Variants in ANKRD31 observed in about 807,000 individuals in gnomAD.
The protein encoded by ANKRD31 is ankyrin repeat domain 31, also known as ankyrin repeat domain-containing protein 31.
Under a neutral mutation model 186.0 loss-of-function variants are expected in ANKRD31, and 147 were observed. The observed-to-expected ratio is 0.79, with a 90% CI of 0.69 to 0.91. The LOEUF (loss-of-function observed/expected upper bound fraction) is 0.91. Ranked by LOEUF, ANKRD31 falls within the 40% of genes least tolerant of loss-of-function variation. The pLI, the probability that ANKRD31 is intolerant of heterozygous loss-of-function variation, is 0.00. For synonymous variants in ANKRD31, 673 were observed against 736.4 expected (o/e 0.91, Z 1.39); for missense variants, 1,986 against 2,148.8 (o/e 0.92, Z 1.50).
rs1017283477 is a variant in ANKRD31 at position 75,105,172 on chromosome 5, C to T, written c.4387G>A (p.Ala1463Thr). The change falls in exon 22 of 26, where the codon GCC (alanine) becomes ACC (threonine). Residue 1463 changes from alanine to threonine, a missense_variant. Transcript: ENST00000506364. ...CTCTTCTGTCTTGCAGCCAAGTTGG[C>T]CAATTGTTCTCTCAGGGCTCCATGC... ...FKHGALREQL[A>T]NLAARQKSLL... The T allele has an allele frequency of 6.5e-7, 1 of 1,534,974 alleles. No homozygotes were observed.
intron 7 of ANKRD31, among the ~76,000 whole-genome samples, chr5:75,193,954 T>C (rs565773318): frequency 1.3e-5 from 2 of 152,186 alleles, no homozygotes; most frequent in African/African-American, 2.4e-5. Context: ...GCTAGATCAA[T>C]GGACTATTCA....
At chr5:75,119,975 G>A (rs1466061496) in intron 17 of ANKRD31, among the ~76,000 whole-genome samples, 1 of 152,164 alleles carries the variant, frequency 6.6e-6, no homozygotes, top group Non-Finnish European at 1.5e-5. Flanking sequence ...TAAGGTCAAA[G>A]AGGATGTGAT....
At chr5:75,123,950 G>C (rs1488495281) in intron 17 of ANKRD31, among the ~76,000 whole-genome samples, 1 of 151,960 alleles carries the variant, frequency 6.6e-6, no homozygotes, top group African/African-American at 2.4e-5. Context: ...AAACTAAAAA[G>C]CTTCTGCATG....
At chr5:75,164,078 A>G (rs568688379) in intron 11 of ANKRD31, among the ~76,000 whole-genome samples, 2 of 152,218 alleles carry the variant, frequency 1.3e-5, no homozygotes, top group East Asian at 1.9e-4. Flanking sequence ...CTTGTTCTCA[A>G]TCTTGATTCA....
intron 13 of ANKRD31, among the ~76,000 whole-genome samples, chr5:75,147,893 T>G (rs2150148317): frequency 6.6e-6 from 1 of 152,004 alleles, no homozygotes; most frequent in Non-Finnish European, 1.5e-5. Flanking sequence ...ACATCTTTTG[T>G]GTCTAGTGGA....
intron 15 of ANKRD31, among the ~76,000 whole-genome samples, chr5:75,143,705 T>C (rs1751221208): frequency 6.6e-6 from 1 of 152,174 alleles, no homozygotes; most frequent in Non-Finnish European, 1.5e-5. Context: ...AAGAATCTGA[T>C]ACATTTCACG....
chr5:75,213,079 C>A (rs113448121), intron 3 of ANKRD31, among the ~76,000 whole-genome samples: 1,687 of 152,224 alleles, frequency 0.011, 23 homozygotes, highest in Middle Eastern at 0.034. Context: ...GATAATGCAT[C>A]CCTAAACACC....
At chr5:75,139,398 T>C (rs753877704) in intron 15 of ANKRD31, among the ~76,000 whole-genome samples, 1 of 152,216 alleles carries the variant, frequency 6.6e-6, no homozygotes. Context: ...TAACAAACTA[T>C]GGCCTATGGT....
In ANKRD31 at chr5:75,218,951, C is replaced by T. The variant is rs375428248; in HGVS notation, c.288+3298G>A. 1.6e-3 allele frequency among the ~76,000 whole-genome samples: 236 copies of T among 152,218 alleles called. 12 individuals are homozygous for T. In the South Asian group the frequency reaches 0.048, roughly 31 times the overall value. ...TTCAAATCCCTTCATGTTAAAAACC[C>T]TCAATTACCTAGGCATTGAAGGAAC... On this transcript the variant is annotated intron_variant, in intron 3 of 25. Transcript: ENST00000506364.
At chr5:75,196,848 C>A (rs963323481) in intron 6 of ANKRD31, among the ~76,000 whole-genome samples, 1 of 152,126 alleles carries the variant, frequency 6.6e-6, no homozygotes, top group Admixed American at 6.6e-5. Context: ...TCTAAGACAT[C>A]ACCTTAATAG....
chr5:75,176,401 G>A (rs1308828455), intron 10 of ANKRD31, among the ~76,000 whole-genome samples: 1 of 152,158 alleles, frequency 6.6e-6, no homozygotes, highest in Non-Finnish European at 1.5e-5. Flanking sequence ...CTCCCAGCAT[G>A]CAGCTTGAGA....
intron 24 of ANKRD31, among the ~76,000 whole-genome samples, chr5:75,081,065 T>C (rs1745043928): frequency 2.6e-5 from 4 of 152,222 alleles, no homozygotes; most frequent in Admixed American, 2.0e-4. Flanking sequence ...TTGTCCTAAC[T>C]TGCCAGGTCT....
chr5:75,123,201 C>T (rs2150093051), intron 17 of ANKRD31, among the ~76,000 whole-genome samples: 1 of 151,416 alleles, frequency 6.6e-6, no homozygotes, highest in African/African-American at 2.4e-5. Context: ...TTTACAATAG[C>T]TACAAAAAAT....
In ANKRD31 at chr5:75,146,390, T is replaced by G. The variant is rs1489698028; in HGVS notation, c.3021A>C (p.Gln1007His). 7 of 1,536,496 alleles carry G rather than the reference T, an allele frequency of 4.6e-6. No individual in the cohort carries two copies. Among genetic ancestry groups the G allele is most frequent in the Non-Finnish European group, 5.2e-6 (6 of 1,146,504 alleles). The change falls in exon 14 of 26, where the codon CAA (glutamine) becomes CAC (histidine). Residue 1007 changes from glutamine to histidine, a missense_variant. Coordinates refer to ENST00000506364, the MANE Select transcript of ANKRD31 (RefSeq NM_001372053.1). The stretch of plus-strand genomic sequence containing the variant: ...GTGTTCTCATACAAGCCAGGGAATT[T>G]TGCTCAGGATTGCCATTTGAGTGAT... ...SFDHSNGNPE[Q>H]NSLACMRTLL...
At chr5:75,182,647 A>C (rs1754402977) in intron 10 of ANKRD31, among the ~76,000 whole-genome samples, 1 of 150,224 alleles carries the variant, frequency 6.7e-6, no homozygotes, top group African/African-American at 2.4e-5. Flanking sequence ...TGAACCTGGG[A>C]GGGGAAGGTT....
rs750225847 is a variant in ANKRD31, at chr5:75,223,849, AAG to A, written c.179-1493_179-1492del. ...CTCCTGAGATTAATATCCTTATAAA[AAG>A]AGAGAGAAAAACCAGAGCTCTCTCT... is the stretch of plus-strand genomic sequence containing the variant. On this transcript the variant is annotated intron_variant, in intron 2 of 25. Coordinates refer to ENST00000506364, the MANE Select transcript of ANKRD31 (RefSeq NM_001372053.1). 3.9e-5 allele frequency among the ~76,000 whole-genome samples: 6 copies of A among 151,960 alleles called. No individual in the cohort carries two copies. In the East Asian group the frequency reaches 9.7e-4, roughly 25 times the overall value.
At chr5:75,070,155 T>C (rs1744103070) in intron 25 of ANKRD31, among the ~76,000 whole-genome samples, 1 of 152,186 alleles carries the variant, frequency 6.6e-6, no homozygotes, top group Non-Finnish European at 1.5e-5. Flanking sequence ...TATGTAAACA[T>C]AGTAACTCCT....
rs1747208654 is a variant in ANKRD31 at position 75,104,937 on chromosome 5, T to C, written c.4622A>G (p.Glu1541Gly). The change falls in exon 22 of 26, where the codon GAA becomes GGA. Residue 1541 changes from glutamate (E) to glycine (G), a missense_variant. By Grantham distance (98) the Glu-to-Gly change is moderately conservative. Transcript: ENST00000506364. Reference sequence around the variant, plus strand: ...CCAAGTTTCCAGAGACAATTGTGTTTCCTGCATGCTTCCAGAAACAGGAGA... The same window carrying C: ...CCAAGTTTCCAGAGACAATTGTGTTCCCTGCATGCTTCCAGAAACAGGAGA... The part of the protein sequence containing the change: ...SLSPVSGSMQ[E>G]TQLSLETWNY... 4 of 1,537,204 alleles carry C rather than the reference T, an allele frequency of 2.6e-6. No homozygotes were observed. Among genetic ancestry groups the C allele is most frequent in the Non-Finnish European group, 3.5e-6 (4 of 1,146,886 alleles).
chr5:75,231,433 A>C (rs1757944476), intron 1 of ANKRD31, among the ~76,000 whole-genome samples: 1 of 152,132 alleles, frequency 6.6e-6, no homozygotes, highest in South Asian at 2.1e-4. Context: ...ACATCACGTT[A>C]ACAAAGAGAG....
Sources: gnomAD v4.1 joint callset for allele counts (sites outside exome capture counted in the v4.1 genomes callset) on GRCh38, gnomAD v4.1.1 for gene constraint, MANE v1.5 for transcripts, NCBI Gene and HGNC (gene_info 2026-07-23, HGNC 2026-07-21) for gene names.